Variants in PCDHA4 observed in about 807,000 individuals in gnomAD.
PCDHA4 encodes protocadherin alpha 4.
PCDHA4 carries 49 observed loss-of-function variants against 61.4 expected under a neutral mutation model. That is an observed-to-expected ratio of 0.80 (90% CI 0.63 to 1.01). PCDHA4 has a LOEUF of 1.01. Among genes scored for constraint, PCDHA4 ranks in the 50% least tolerant of loss-of-function variants. The pLI is 0.00. For synonymous variants in PCDHA4, 590 were observed against 550.3 expected (o/e 1.07, Z -1.01); for missense variants, 1,254 against 1,235.8 (o/e 1.01, Z -0.22).
At chr5:140,900,429 C>A (rs1202126306) in intron 1 of PCDHA4, among the ~76,000 whole-genome samples, 1 of 152,174 alleles carries the variant, frequency 6.6e-6, no homozygotes, top group East Asian at 1.9e-4. Context: ...AGGCACGTGC[C>A]ACCACGGCCG....
chr5:140,840,327 C>T (rs1421494341), intron 1 of PCDHA4, among the ~76,000 whole-genome samples: 1 of 151,704 alleles, frequency 6.6e-6, no homozygotes, highest in East Asian at 1.9e-4. Flanking sequence ...GACTCATTTT[C>T]TAGGCAATGT....
At chr5:140,973,107 G>A (rs2096572271) in intron 1 of PCDHA4, among the ~76,000 whole-genome samples, 1 of 152,192 alleles carries the variant, frequency 6.6e-6, no homozygotes, top group South Asian at 2.1e-4. Flanking sequence ...TTATGAAAGA[G>A]TAGCAGAGAT....
At chr5:140,822,386 C>T (rs2150115913) in intron 1 of PCDHA4, 2 of 1,614,064 alleles carry the variant, frequency 1.2e-6, no homozygotes, top group East Asian at 4.5e-5. Context: ...AGAGAAGAAA[C>T]ACAAGAACAC....
chr5:140,820,875 A>C (rs2150108216), intron 1 of PCDHA4, among the ~76,000 whole-genome samples: 8 of 152,070 alleles, frequency 5.3e-5, no homozygotes, highest in Non-Finnish European at 1.2e-4. Context: ...TCTAATTTGA[A>C]AATAGTGCAA....
In PCDHA4 at chr5:140,808,967, G is replaced by A. The variant is rs1554124926; in HGVS notation, c.1780G>A (p.Val594Met). ...GGGTGTGGGCCACGTGGTGGCAAAG[G>A]TGCGCGCGGTGGATGCTGACTCGGG... is the stretch of plus-strand genomic sequence containing the variant. Reference protein sequence around the residue: ...SVGVGHVVAKVRAVDADSGYN... With the variant: ...SVGVGHVVAKMRAVDADSGYN... The change falls in exon 1 of 4, where the codon GTG becomes ATG. Residue 594 changes from valine (V) to methionine (M), a missense_variant. Physicochemically the swap from Val to Met is conservative, Grantham distance 21. Transcript: ENST00000530339. 1 of 1,613,656 alleles carries A rather than the reference G, an allele frequency of 6.2e-7. No homozygotes were observed. The highest frequency in any genetic ancestry group is 8.5e-7 in the Non-Finnish European group (1 of 1,179,714).
At chr5:140,834,364 A>G (rs2150215760) in intron 1 of PCDHA4, 1 of 1,553,394 alleles carries the variant, frequency 6.4e-7, no homozygotes, top group Non-Finnish European at 8.7e-7. Context: ...CTGACTAGAA[A>G]AACAAGCCAA....
At position 140,883,742 on chromosome 5, in the gene PCDHA4, T is replaced by C. The variant is rs782074620; in HGVS notation, c.2385+74170T>C. 8 of 1,613,220 alleles carry C rather than the reference T, an allele frequency of 5.0e-6. No homozygotes were observed. In the African/African-American group the frequency reaches 8.0e-5, roughly 16 times the overall value. ...CGCACAGGAGAACGCGCTGGTCTCC[T>C]ACTCGCTGGTGGAGCGGCGGGTGGG... On this transcript the variant is annotated intron_variant, in intron 1 of 3. Transcript: ENST00000530339.
intron 1 of PCDHA4, among the ~76,000 whole-genome samples, chr5:140,972,262 C>G (rs116021362): frequency 0.021 from 3,220 of 151,618 alleles, 50 homozygotes; most frequent in Non-Finnish European, 0.033. Context: ...ACATCAGCCT[C>G]CTGAGTAGCT....
At chr5:140,877,710 G>T in intron 1 of PCDHA4, 1 of 1,614,098 alleles carries the variant, frequency 6.2e-7, no homozygotes, top group Non-Finnish European at 8.5e-7. Context: ...GCGCCGTGGG[G>T]AGTTGGTCTT....
intron 1 of PCDHA4, chr5:140,869,331 G>T: frequency 6.2e-7 from 1 of 1,613,954 alleles, no homozygotes; most frequent in Non-Finnish European, 8.5e-7. Flanking sequence ...ACCTTCTGGA[G>T]GTAAATCTGC....
intron 1 of PCDHA4, among the ~76,000 whole-genome samples, chr5:140,937,847 A>G (rs2091797551): frequency 6.8e-6 from 1 of 148,000 alleles, no homozygotes; most frequent in Non-Finnish European, 1.5e-5. Flanking sequence ...GGAAGGCGGA[A>G]CTTGGAGTGA....
chr5:140,823,339 C>T (rs2150124822), intron 1 of PCDHA4: 28 of 1,612,236 alleles, frequency 1.7e-5, no homozygotes, highest in African/African-American at 1.5e-4. Context: ...GCTGCAGCCG[C>T]TGGACCACGA....
At chr5:140,975,933 AG>A (rs1216240117) in intron 1 of PCDHA4, among the ~76,000 whole-genome samples, 1 of 152,194 alleles carries the variant, frequency 6.6e-6, no homozygotes, top group Non-Finnish European at 1.5e-5. Flanking sequence ...TAACCTTTGA[AG>A]CAATAGGACA....
At chr5:140,964,959 T>C (rs1330728069) in intron 1 of PCDHA4, among the ~76,000 whole-genome samples, 2 of 152,168 alleles carry the variant, frequency 1.3e-5, no homozygotes, top group African/African-American at 4.8e-5. Context: ...GCTTGGTTGG[T>C]GGAACGAAGG....
rs146745311 is a variant in PCDHA4 at position 140,842,835 on chromosome 5, C to G, written c.2385+33263C>G. 9.4e-6 allele frequency: 15 copies of G among 1,593,736 alleles called. 3 individuals are homozygous for G. The African/African-American group carries it at 1.6e-4, about 17-fold the overall frequency. Reference sequence around the variant, plus strand: ...CGGCGGGTGGGCGAGCGCTCGCTGTCGAGCTACATTTCGGTGCACACGGAG... The same window carrying G: ...CGGCGGGTGGGCGAGCGCTCGCTGTGGAGCTACATTTCGGTGCACACGGAG... On this transcript the variant is annotated intron_variant, in intron 1 of 3. Transcript: ENST00000530339.
At position 140,884,782 on chromosome 5, in the gene PCDHA4, A is replaced by T. The variant is rs2060354278; in HGVS notation, c.2385+75210A>T. ...TCTTTACTTTAATTTTAATTTTGCTAGTTGTTATCGAATTTAACAACTCTG... is the reference window on the plus strand; with the variant it reads ...TCTTTACTTTAATTTTAATTTTGCTTGTTGTTATCGAATTTAACAACTCTG... On this transcript the variant is annotated intron_variant, in intron 1 of 3. Coordinates refer to ENST00000530339, the MANE Select transcript of PCDHA4 (RefSeq NM_018907.4). 8 of 1,395,472 alleles carry T rather than the reference A, an allele frequency of 5.7e-6. 1 individual carries two copies. The highest frequency in any genetic ancestry group is 3.3e-5 in the South Asian group (2 of 60,762). 86.4% of individuals were successfully genotyped at this position (1,395,472 alleles called of 1,614,324 possible). A position where few individuals can be genotyped will look rare whatever the true frequency, so the allele number is the denominator to read the frequency against.
At chr5:140,850,167 G>C (rs2041389844) in intron 1 of PCDHA4, 2 of 1,594,718 alleles carry the variant, frequency 1.3e-6, no homozygotes, top group African/African-American at 1.3e-5. Flanking sequence ...CGTGCTGGAC[G>C]AGAACGACAA....
chr5:140,854,084 C>G (rs2150307258), intron 1 of PCDHA4: 2 of 266,726 alleles, frequency 7.5e-6, no homozygotes, highest in East Asian at 3.6e-4. Context: ...ATCGCTTGAG[C>G]CTGGGACATT....
intron 3 of PCDHA4, among the ~76,000 whole-genome samples, chr5:141,005,828 T>A (rs752447584): frequency 6.7e-6 from 1 of 149,690 alleles, no homozygotes; most frequent in African/African-American, 2.5e-5. Context: ...TGGCCTGTAG[T>A]CCCAGCCACT....
Sources: gnomAD v4.1 joint callset for allele counts (sites outside exome capture counted in the v4.1 genomes callset) on GRCh38, gnomAD v4.1.1 for gene constraint, MANE v1.5 for transcripts, NCBI Gene and HGNC (gene_info 2026-07-23, HGNC 2026-07-21) for gene names.